The following MSN variants were observed in gnomAD, a reference collection of about 807,000 sequenced individuals.
The protein encoded by MSN is moesin.
Under a neutral mutation model 48.0 loss-of-function variants are expected in MSN, and 2 were observed. The ratio of observed to expected loss-of-function variants is 0.04; its 90% CI spans 0.02 to 0.13. The LOEUF (loss-of-function observed/expected upper bound fraction) is 0.13. Among genes scored for constraint, MSN ranks in the 10% least tolerant of loss-of-function variants. The pLI is 1.00. For missense variants in MSN, 267 were observed against 470.1 expected (o/e 0.57, Z 3.99); for synonymous variants, 146 against 166.9 (o/e 0.87, Z 0.97).
rs777309307 is a variant in MSN, at chrX:65,678,217, T to TTC, written c.12+10364_12+10365insTC. Among the ~76,000 whole-genome samples the TTC allele has an allele frequency of 4.6e-3, 512 of 111,845 alleles. 4 individuals carry two copies. The highest frequency in any genetic ancestry group is 0.016 in the African/African-American group (490 of 30,759). The stretch of plus-strand genomic sequence containing the variant: ...CCTCAACTAGTCCTCTGTTCTCCTT[T>TTC]AGTACAGGGAATGCCTTCTTCAAGT... On this transcript the variant is annotated intron_variant, in intron 1 of 12. Coordinates refer to ENST00000360270, the MANE Select transcript of MSN (RefSeq NM_002444.3).
chrX:65,712,115 A>G (rs2071420612), intron 1 of MSN, among the ~76,000 whole-genome samples: 1 of 110,143 alleles, frequency 9.1e-6, no homozygotes, highest in Non-Finnish European at 1.9e-5. Context: ...GCCCCATCCT[A>G]CTTTATGACG....
At chrX:65,604,115 G>A (rs1353811294) in intron 1 of MSN, among the ~76,000 whole-genome samples, 3 of 112,500 alleles carry the variant, frequency 2.7e-5, no homozygotes, top group Non-Finnish European at 1.9e-5. Flanking sequence ...GCAGGTAAGG[G>A]AATGAGGCAC....
intron 1 of MSN, chrX:65,600,692 G>A (rs746825015): frequency 9.0e-6 from 1 of 111,563 alleles, no homozygotes; most frequent in South Asian, 3.7e-4. Context: ...AGCGGAACTG[G>A]GAATCTTTTT....
At chrX:65,669,218 G>A (rs1246852916) in intron 1 of MSN, among the ~76,000 whole-genome samples, 1 of 111,212 alleles carries the variant, frequency 9.0e-6, no homozygotes, top group African/African-American at 3.3e-5. Flanking sequence ...AAGAGAGAGA[G>A]TAATGGTTTT....
intron 1 of MSN, among the ~76,000 whole-genome samples, chrX:65,713,872 C>T (rs755927385): frequency 5.9e-4 from 66 of 111,850 alleles, no homozygotes; most frequent in Non-Finnish European, 9.0e-4. Context: ...CTCTGCCTCC[C>T]GGGTTAAAGC....
At chrX:65,616,755 T>C (rs1433857299) in intron 1 of MSN, among the ~76,000 whole-genome samples, 1 of 105,276 alleles carries the variant, frequency 9.5e-6, no homozygotes, top group Non-Finnish European at 1.9e-5. Context: ...TGAATAGGAG[T>C]GGTGAGAGAG....
At chrX:65,677,075 G>C (rs1481675994) in intron 1 of MSN, among the ~76,000 whole-genome samples, 1 of 111,679 alleles carries the variant, frequency 9.0e-6, no homozygotes, top group African/African-American at 3.3e-5. Context: ...TGATCTGCCT[G>C]CTTCAGCCTC....
chrX:65,724,498 G>A (rs1461708925), intron 2 of MSN, among the ~76,000 whole-genome samples: 1 of 110,752 alleles, frequency 9.0e-6, no homozygotes, highest in Non-Finnish European at 1.9e-5. Flanking sequence ...AACAGACAAC[G>A]TGGTGCAAAA....
intron 1 of MSN, among the ~76,000 whole-genome samples, chrX:65,629,546 C>T (rs1425531742): frequency 9.0e-6 from 1 of 111,570 alleles, no homozygotes; most frequent in African/African-American, 3.3e-5. Context: ...TAAAGACATA[C>T]CCGAGACTGG....
chrX:65,668,597 C>T (rs975718949), intron 1 of MSN, among the ~76,000 whole-genome samples: 10 of 111,402 alleles, frequency 9.0e-5, no homozygotes, highest in Non-Finnish European at 1.5e-4. Flanking sequence ...TGTGGGTTTT[C>T]TCGTGGGGCC....
rs776474722 is a variant in MSN, at chrX:65,736,859, C to T, written c.1024C>T (p.Arg342Trp). The change falls in exon 9 of 13, where the codon CGG (arginine) becomes TGG (tryptophan). Residue 342 changes from arginine to tryptophan, a missense_variant. This residue lies in a region of MSN where 58 missense variants were observed against 104.6 expected (regional missense o/e 0.55). Coordinates refer to ENST00000360270, the MANE Select transcript of MSN (RefSeq NM_002444.3). ...AGAGAAGGAGAAAGAGAAGATTGAACGGGAGAAGGAGGAGCTGATGGAGAG... is the reference window on the plus strand; with the variant it reads ...AGAGAAGGAGAAAGAGAAGATTGAATGGGAGAAGGAGGAGCTGATGGAGAG... ...MAEKEKEKIE[R>W]EKEELMERLK... 9 of 1,180,140 alleles carry T rather than the reference C, an allele frequency of 7.6e-6. No individual in the cohort carries two copies. Among genetic ancestry groups the T allele is most frequent in the Admixed American group, 2.4e-5 (1 of 40,992 alleles).
intron 1 of MSN, among the ~76,000 whole-genome samples, chrX:65,617,800 G>C (rs1411254799): frequency 9.4e-6 from 1 of 106,708 alleles, no homozygotes; most frequent in South Asian, 4.2e-4. Flanking sequence ...TGTGATGTTA[G>C]GGTGTCAATT....
chrX:65,720,014 C>A (rs924927168), intron 2 of MSN, among the ~76,000 whole-genome samples: 1 of 111,594 alleles, frequency 9.0e-6, no homozygotes, highest in Non-Finnish European at 1.9e-5. Flanking sequence ...GAACCCTGGG[C>A]AGATTGGTAT....
chrX:65,592,222 A>T (rs1602701922), intron 1 of MSN, among the ~76,000 whole-genome samples: 1 of 69,918 alleles, frequency 1.4e-5, no homozygotes, highest in Non-Finnish European at 2.5e-5. Flanking sequence ...TTTTTGATGG[A>T]GTCTCGCTCT....
At chrX:65,669,832 A>C (rs181798447) in intron 1 of MSN, among the ~76,000 whole-genome samples, 21 of 110,907 alleles carry the variant, frequency 1.9e-4, no homozygotes, top group African/African-American at 6.6e-4. Context: ...TCTTAAAAAA[A>C]AAAACTAAAA....
At chrX:65,714,564 C>G (rs1457737121) in intron 1 of MSN, among the ~76,000 whole-genome samples, 1 of 111,521 alleles carries the variant, frequency 9.0e-6, no homozygotes, top group African/African-American at 3.3e-5. Context: ...TTGCATTTCT[C>G]TAATGATGTA....
At chrX:65,670,899 T>A (rs1274746852) in intron 1 of MSN, among the ~76,000 whole-genome samples, 1 of 584 alleles carries the variant, frequency 1.7e-3, no homozygotes, top group Non-Finnish European at 5.2e-3. Context: ...ATGACAGTTA[T>A]ATATATATAT....
intron 11 of MSN, 71 bp downstream of exon 11, chrX:65,738,688 T>C: frequency 1.0e-6 from 1 of 1,002,651 alleles, no homozygotes; most frequent in African/African-American, 1.9e-5. Flanking sequence ...GCTCCTTAGA[T>C]TCCTTATGTT....
At chrX:65,598,084 G>A (rs1252494282) in intron 1 of MSN, among the ~76,000 whole-genome samples, 1 of 111,397 alleles carries the variant, frequency 9.0e-6, no homozygotes, top group Non-Finnish European at 1.9e-5. Flanking sequence ...CTCCTTACCA[G>A]CAACACTCAG....
Sources: allele counts gnomAD v4.1 joint callset (sites outside exome capture counted in the v4.1 genomes callset), GRCh38; gene constraint gnomAD v4.1.1; regional missense constraint gnomAD v4.1.1; transcripts MANE v1.5; gene names NCBI Gene and HGNC (gene_info 2026-07-23, HGNC 2026-07-21).